The following MYO1H variants were observed in gnomAD, a reference collection of about 807,000 sequenced individuals.
The protein encoded by MYO1H is unconventional myosin-Ih.
A neutral mutation model predicts 149.3 loss-of-function variants in MYO1H; 118 were observed. The observed-to-expected ratio is 0.79, with a 90% confidence interval of 0.68 to 0.92. The LOEUF is 0.92. MYO1H is among the 40% of genes least tolerant of loss of function. The probability of loss-of-function intolerance (pLI) is 0.00; values close to 1 mark genes in which losing one functional copy is unlikely to be tolerated. For missense variants in MYO1H, 1,212 were observed against 1,280.7 expected, an observed-to-expected ratio of 0.95 and a Z score of 0.82; for synonymous variants, 447 against 465.2, an observed-to-expected ratio of 0.96 and a Z score of 0.50.
chr12:109,407,550 GC>G (rs1361893700), intron 9 of MYO1H, among the ~76,000 whole-genome samples: 1 of 144,198 alleles, frequency 6.9e-6, no homozygotes, highest in Non-Finnish European at 1.5e-5. Flanking sequence ...GATTCCTTGA[GC>G]CCAGGAGTTC....
intron 1 of MYO1H, among the ~76,000 whole-genome samples, chr12:109,367,241 C>T (rs1200350057): frequency 6.6e-6 from 1 of 152,108 alleles, no homozygotes; most frequent in African/African-American, 2.4e-5. Flanking sequence ...AATTTCCTAA[C>T]TTTACAAAGA....
At chr12:109,447,012 T>A (rs1283799875) in intron 31 of MYO1H, 147 bp from the exon 32 acceptor site, 4 of 767,062 alleles carry the variant, frequency 5.2e-6, no homozygotes, top group Admixed American at 2.1e-5. Flanking sequence ...AGTTTCTAAG[T>A]CTGGCTTGTC....
the MYO1H span, among the ~76,000 whole-genome samples, chr12:109,335,087 G>A: frequency 6.6e-6 from 1 of 152,114 alleles, no homozygotes; most frequent in Non-Finnish European, 1.5e-5. Context: ...AGCATGTAGC[G>A]ATACTTCGCT....
chr12:109,366,758 G>A (rs2137010979), intron 1 of MYO1H, among the ~76,000 whole-genome samples: 1 of 152,326 alleles, frequency 6.6e-6, no homozygotes, highest in South Asian at 2.1e-4. Context: ...CAAGAAGGAT[G>A]AGCAAGAAGC....
At chr12:109,372,607 T>C (rs1869005387) in intron 1 of MYO1H, among the ~76,000 whole-genome samples, 1 of 152,116 alleles carries the variant, frequency 6.6e-6, no homozygotes, top group Non-Finnish European at 1.5e-5. Flanking sequence ...GGTTATGTTA[T>C]TGAATTTATG....
chr12:109,432,993 G>A (rs1871706676), exon 20 of MYO1H: 1 of 1,613,988 alleles, frequency 6.2e-7, no homozygotes, highest in East Asian at 2.2e-5. Flanking sequence ...ACAAACCCGA[G>A]GAATACAAGT....
chr12:109,387,999 G>A (rs1180270061), intron 1 of MYO1H, among the ~76,000 whole-genome samples: 5 of 152,194 alleles, frequency 3.3e-5, no homozygotes, highest in African/African-American at 1.2e-4. Flanking sequence ...CCAATGGGCT[G>A]TAGCCACACC....
At chr12:109,443,373 CACACACACACACACACACACAT>C in intron 27 of MYO1H, 119 bp from the exon 28 acceptor site, 1 of 761,334 alleles carries the variant, frequency 1.3e-6, no homozygotes, top group South Asian at 1.8e-5. Flanking sequence ...CACACACACA[CACACACACACACACACACACAT>C]ACACGCAAAA....
chr12:109,419,531 A>G (rs1871080303), intron 15 of MYO1H, among the ~76,000 whole-genome samples: 1 of 151,832 alleles, frequency 6.6e-6, no homozygotes, highest in African/African-American at 2.4e-5. Flanking sequence ...CTTTTGATGC[A>G]TGCCTTTTTA....
intron 1 of MYO1H, among the ~76,000 whole-genome samples, chr12:109,349,023 C>A (rs1202836651): frequency 6.6e-6 from 1 of 152,094 alleles, no homozygotes; most frequent in African/African-American, 2.4e-5. Context: ...ATCTGAATGC[C>A]CATAACAAAG....
At chr12:109,333,592 G>C in the MYO1H span, among the ~76,000 whole-genome samples, 1 of 152,112 alleles carries the variant, frequency 6.6e-6, no homozygotes, top group South Asian at 2.1e-4. Context: ...ACGTGACTGT[G>C]GCCAGCATGA....
chr12:109,406,908 T>TGCC, intron 9 of MYO1H, 48 bp downstream of exon 9: 2 of 1,538,778 alleles, frequency 1.3e-6, no homozygotes, highest in Middle Eastern at 1.8e-4. Flanking sequence ...CTGCTGCTGC[T>TGCC]GCCTCCCTCG....
chr12:109,362,865 A>G (rs535359390), intron 1 of MYO1H, among the ~76,000 whole-genome samples: 47 of 152,360 alleles, frequency 3.1e-4, no homozygotes, highest in Admixed American at 2.2e-3. Flanking sequence ...GCCATAGCAT[A>G]TCTTGCAGTC....
intron 10 of MYO1H, 137 bp from the exon 11 acceptor site, chr12:109,409,420 C>G: frequency 1.3e-6 from 1 of 783,938 alleles, no homozygotes. Context: ...TTACTTCCAC[C>G]CAAAGATTTT....
intron 4 of MYO1H, 139 bp downstream of exon 4, chr12:109,396,721 G>GC: frequency 1.5e-6 from 1 of 649,002 alleles, no homozygotes; most frequent in South Asian, 2.7e-5. Flanking sequence ...ACAGTTAAGG[G>GC]TGTGACCTGG....
intron 3 of MYO1H, among the ~76,000 whole-genome samples, chr12:109,393,904 C>T (rs1017158146): frequency 1.0e-4 from 15 of 149,944 alleles, no homozygotes; most frequent in South Asian, 4.2e-4. Context: ...ATGTCTTCTC[C>T]GGGAAGAGGG....
intron 1 of MYO1H, among the ~76,000 whole-genome samples, chr12:109,364,668 G>A (rs1868830451): frequency 6.6e-6 from 1 of 152,110 alleles, no homozygotes; most frequent in African/African-American, 2.4e-5. Flanking sequence ...TAAATTTAAT[G>A]TAAATCACCA....
At chr12:109,369,074 G>C (rs1176227934) in intron 1 of MYO1H, among the ~76,000 whole-genome samples, 1 of 149,214 alleles carries the variant, frequency 6.7e-6, no homozygotes. Context: ...TGCAAATTCT[G>C]CCTCCTGGGT....
chr12:109,334,449 T>C, the MYO1H span, among the ~76,000 whole-genome samples: 27 of 152,220 alleles, frequency 1.8e-4, no homozygotes, highest in Non-Finnish European at 3.4e-4. Flanking sequence ...TAGCTGGGAT[T>C]ACAGGTGTGA....
Sources: allele counts gnomAD v4.1 joint callset (sites outside exome capture counted in the v4.1 genomes callset), GRCh38; gene constraint gnomAD v4.1.1; transcripts MANE v1.5; gene names NCBI Gene and HGNC (gene_info 2026-07-23, HGNC 2026-07-21).